Variants in OGDH observed in about 807,000 individuals in gnomAD.
The protein encoded by OGDH is 2-oxoglutarate dehydrogenase complex component E1.
OGDH carries 38 observed loss-of-function variants against 116.6 expected under a neutral mutation model. The observed-to-expected ratio is 0.33, with a 90% CI of 0.25 to 0.43. OGDH has a LOEUF of 0.43. Among genes scored for constraint, OGDH ranks in the 20% least tolerant of loss-of-function variants. The pLI, the probability that OGDH is intolerant of heterozygous loss-of-function variation, is 1.00. For synonymous variants in OGDH, 488 were observed against 533.3 expected (o/e 0.92, Z 1.17); for missense variants, 825 against 1,357.2 (o/e 0.61, Z 6.16).
At chr7:44,627,382 C>T (rs1423920308) in intron 2 of OGDH, among the ~76,000 whole-genome samples, 6 of 152,232 alleles carry the variant, frequency 3.9e-5, no homozygotes, top group Admixed American at 3.3e-4. Flanking sequence ...GATCCATAGC[C>T]TTAGAGGCAT....
intron 4 of OGDH, among the ~76,000 whole-genome samples, chr7:44,660,913 A>G (rs1786908147): frequency 1.3e-5 from 2 of 152,052 alleles, no homozygotes; most frequent in South Asian, 4.1e-4. Flanking sequence ...GGGTGACCCT[A>G]TCTGTAAACT....
At chr7:44,660,923 TACAC>T (rs544499271) in intron 4 of OGDH, among the ~76,000 whole-genome samples, 1 of 151,826 alleles carries the variant, frequency 6.6e-6, no homozygotes, top group Non-Finnish European at 1.5e-5. Context: ...ATCTGTAAAC[TACAC>T]ACACACGCGC....
At chr7:44,627,946 G>A (rs1265313321) in intron 2 of OGDH, among the ~76,000 whole-genome samples, 1 of 152,122 alleles carries the variant, frequency 6.6e-6, no homozygotes, top group Non-Finnish European at 1.5e-5. Context: ...CAAAGTGCTG[G>A]GATTACAGGC....
At chr7:44,620,103 C>G (rs1195222655) in intron 1 of OGDH, among the ~76,000 whole-genome samples, 1 of 152,202 alleles carries the variant, frequency 6.6e-6, no homozygotes, top group Non-Finnish European at 1.5e-5. Flanking sequence ...TCACTGCAAC[C>G]TCTGTCTCCT....
chr7:44,696,282 A>G, intron 13 of OGDH, 147 bp from the exon 14 acceptor site: 1 of 1,117,448 alleles, frequency 8.9e-7, no homozygotes, highest in East Asian at 2.4e-5. Context: ...CCCTGGACCC[A>G]GACCCCTGCA....
chr7:44,629,813 C>T (rs1785359212), intron 2 of OGDH, among the ~76,000 whole-genome samples: 1 of 152,160 alleles, frequency 6.6e-6, no homozygotes, highest in African/African-American at 2.4e-5. Flanking sequence ...CTCCCGACCT[C>T]AGGTGATCCG....
At chr7:44,662,655 G>T (rs531615209) in intron 4 of OGDH, among the ~76,000 whole-genome samples, 2 of 151,962 alleles carry the variant, frequency 1.3e-5, no homozygotes, top group East Asian at 1.9e-4. Flanking sequence ...TAGAGATGGG[G>T]TTTCACCATG....
At chr7:44,612,419 G>A (rs1394915137) in intron 1 of OGDH, among the ~76,000 whole-genome samples, 1 of 151,396 alleles carries the variant, frequency 6.6e-6, no homozygotes. Context: ...GTCTTACTCT[G>A]TTGCCCAGGC....
At chr7:44,642,120 GA>G (rs1785969067) in intron 2 of OGDH, among the ~76,000 whole-genome samples, 1 of 143,312 alleles carries the variant, frequency 7.0e-6, no homozygotes, top group African/African-American at 3.0e-5. Flanking sequence ...AGCATCTGTT[GA>G]AAAGGAAAGT....
chr7:44,623,030 C>T (rs2040886), intron 1 of OGDH, among the ~76,000 whole-genome samples: 15,060 of 152,168 alleles, frequency 0.099, 1,464 homozygotes, highest in East Asian at 0.44. Flanking sequence ...GCTCCATGTG[C>T]TCTTTTCAAT....
intron 20 of OGDH, among the ~76,000 whole-genome samples, chr7:44,706,471 G>A (rs1403520785): frequency 6.7e-6 from 1 of 149,226 alleles, no homozygotes; most frequent in Admixed American, 6.7e-5. Flanking sequence ...ACAGGCATGC[G>A]CCACCATGCC....
intron 10 of OGDH, among the ~76,000 whole-genome samples, chr7:44,686,005 C>T (rs1788109755): frequency 6.6e-6 from 1 of 151,286 alleles, no homozygotes; most frequent in Non-Finnish European, 1.5e-5. Flanking sequence ...CTATTTTTAA[C>T]TTTTTGAGTA....
chr7:44,660,780 T>C (rs1397143674), intron 4 of OGDH, among the ~76,000 whole-genome samples: 23 of 152,014 alleles, frequency 1.5e-4, no homozygotes, highest in Non-Finnish European at 3.4e-4. Context: ...ACAACAAAAT[T>C]AGCCAAGCAT....
rs923310329 is a variant in OGDH, at chr7:44,700,848, C to CA, written c.2559+587dup. 3.4e-4 allele frequency among the ~76,000 whole-genome samples: 52 copies of CA among 151,706 alleles called. 1 individual carries two copies. Among genetic ancestry groups the CA allele is most frequent in the African/African-American group, 1.0e-3 (43 of 41,392 alleles). ...TAGCACAGTGAAACCCCGTCTCTAC[C>CA]AAAAAAAATACAAAAAAATTAGCCG... is the stretch of plus-strand genomic sequence containing the variant. On this transcript the variant is annotated intron_variant, in intron 19 of 22. Transcript: ENST00000222673.
At chr7:44,702,153 C>G (rs941779206) in intron 20 of OGDH, among the ~76,000 whole-genome samples, 1 of 151,854 alleles carries the variant, frequency 6.6e-6, no homozygotes, top group Admixed American at 6.6e-5. Context: ...CATGTCTTAA[C>G]ATGCAGCCCA....
Position 44,673,893 on chromosome 7 carries a change from C to T in OGDH, c.740C>T (p.Thr247Ile). The T allele has an allele frequency of 6.2e-7, 1 of 1,614,236 alleles. No individual in the cohort carries two copies. The highest frequency in any genetic ancestry group is 8.5e-7 in the Non-Finnish European group (1 of 1,180,044). ...GAGACCCCTGGGATCATGCAGTTCA[C>T]AAATGAGGAGAAACGGACCCTGCTG... Reference protein sequence around the residue: ...KFETPGIMQFTNEEKRTLLAR... With the variant: ...KFETPGIMQFINEEKRTLLAR... The change falls in exon 6 of 23, where the codon ACA (threonine) becomes ATA (isoleucine). Residue 247 changes from threonine (T) to isoleucine (I), a missense_variant. Thr to Ile is a moderately conservative substitution (Grantham distance 89). Coordinates refer to ENST00000222673, the MANE Select transcript of OGDH (RefSeq NM_002541.4).
chr7:44,626,289 TCA>T (rs374123965), intron 2 of OGDH, among the ~76,000 whole-genome samples: 1 of 137,016 alleles, frequency 7.3e-6, no homozygotes, highest in East Asian at 2.2e-4. Flanking sequence ...GTGGCAGATT[TCA>T]CACACACACA....
At chr7:44,658,017 C>T (rs1240375534) in intron 4 of OGDH, among the ~76,000 whole-genome samples, 1 of 152,150 alleles carries the variant, frequency 6.6e-6, no homozygotes, top group Non-Finnish European at 1.5e-5. Flanking sequence ...TCCATCGATA[C>T]CACAGTGTCT....
chr7:44,668,534 T>G (rs1422781849), intron 5 of OGDH, among the ~76,000 whole-genome samples: 1 of 152,228 alleles, frequency 6.6e-6, no homozygotes, highest in Non-Finnish European at 1.5e-5. Flanking sequence ...TTGGAGCTGC[T>G]TCACCGCCTG....
Sources: allele counts gnomAD v4.1 joint callset (sites outside exome capture counted in the v4.1 genomes callset), GRCh38; gene constraint gnomAD v4.1.1; transcripts MANE v1.5; gene names NCBI Gene and HGNC (gene_info 2026-07-23, HGNC 2026-07-21).